Variants in AFDN observed in about 807,000 individuals in gnomAD.
AFDN encodes the protein afadin.
AFDN carries 68 observed loss-of-function variants against 216.6 expected under a neutral mutation model. The ratio of observed to expected loss-of-function variants is 0.31; its 90% CI spans 0.26 to 0.38. The LOEUF is 0.38. Ranked by LOEUF, AFDN falls within the 10% of genes least tolerant of loss-of-function variation. AFDN has a pLI of 1.00. For synonymous variants in AFDN, 868 were observed against 853.7 expected (o/e 1.02, Z -0.29); for missense variants, 2,136 against 2,342.0 (o/e 0.91, Z 1.82).
At chr6:167,961,865 G>C (rs1797070340) in intron 30 of AFDN, among the ~76,000 whole-genome samples, 2 of 152,172 alleles carry the variant, frequency 1.3e-5, no homozygotes, top group South Asian at 4.1e-4. Context: ...GGAGGGAGCT[G>C]ATGGTAAAGG....
chr6:167,873,630 C>A (rs1785023102), intron 4 of AFDN, among the ~76,000 whole-genome samples: 1 of 152,106 alleles, frequency 6.6e-6, no homozygotes, highest in Non-Finnish European at 1.5e-5. Flanking sequence ...GGCAGACAGC[C>A]CCGTACTGTC....
chr6:167,942,859 T>C (rs1379886410), intron 23 of AFDN, among the ~76,000 whole-genome samples: 1 of 152,212 alleles, frequency 6.6e-6, no homozygotes, highest in African/African-American at 2.4e-5. Flanking sequence ...ATCATGCAGG[T>C]AGTTTTTAGT....
intron 10 of AFDN, among the ~76,000 whole-genome samples, chr6:167,897,734 A>G (rs986860445): frequency 2.2e-5 from 3 of 137,100 alleles, no homozygotes; most frequent in African/African-American, 8.5e-5. Flanking sequence ...GTAACCTCCA[A>G]CTCCCTGGTT....
chr6:167,835,083 T>G (rs1342958071), intron 1 of AFDN, among the ~76,000 whole-genome samples: 1 of 152,238 alleles, frequency 6.6e-6, no homozygotes, highest in Admixed American at 6.5e-5. Context: ...AAATATTGAT[T>G]CACTGAGTTA....
rs1164280687 is a variant in AFDN, at chr6:167,915,180, A to G, written c.2312A>G (p.His771Arg). Residue 771 changes from histidine (H) to arginine (R), a missense_variant, in exon 19 of 34, where the codon CAC (histidine) becomes CGC (arginine). Around this residue, in one of 8 missense-constraint regions of AFDN, gnomAD observed 817 missense variants for 965.7 expected, o/e 0.85. Transcript: ENST00000683244. The stretch of plus-strand genomic sequence containing the variant: ...CCTGTCTGGGCAGATGATGTGCTGC[A>G]CACGCTCACAGGAGCCATGTCCTTG... ...LQRPKIDDVL[H>R]TLTGAMSLLR... The G allele has an allele frequency of 5.0e-6, 8 of 1,613,990 alleles. No homozygotes were observed. The highest frequency in any genetic ancestry group is 1.1e-5 in the South Asian group (1 of 91,072).
intron 13 of AFDN, among the ~76,000 whole-genome samples, chr6:167,908,971 G>A (rs1011566426): frequency 3.3e-5 from 5 of 152,036 alleles, no homozygotes; most frequent in African/African-American, 7.2e-5. Flanking sequence ...TGGAGGGGAC[G>A]ACTTTTAATT....
rs780592632 is a variant in AFDN at position 167,915,347 on chromosome 6, C to T, written c.2479C>T (p.Arg827Cys). 1.7e-5 allele frequency: 28 copies of T among 1,614,228 alleles called. No homozygotes were observed. Among genetic ancestry groups the T allele is most frequent in the East Asian group, 8.9e-5 (4 of 44,886 alleles). ...LCSHYWGAII[R>C]QQLGHIEAWA... ...CTCCCATTACTGGGGTGCGATTATCCGTCAGCAGTTGGGCCATATTGAAGC... is the reference window on the plus strand; with the variant it reads ...CTCCCATTACTGGGGTGCGATTATCTGTCAGCAGTTGGGCCATATTGAAGC... The change falls in exon 19 of 34, where the codon CGT becomes TGT. Residue 827 changes from arginine to cysteine, a missense_variant. Physicochemically the swap from Arg to Cys is radical, Grantham distance 180 (BLOSUM62 -3). Coordinates refer to ENST00000683244, the MANE Select transcript of AFDN (RefSeq NM_001386888.1).
At chr6:167,937,848 T>TA (rs1794198840) in intron 23 of AFDN, among the ~76,000 whole-genome samples, 1 of 152,230 alleles carries the variant, frequency 6.6e-6, no homozygotes, top group Non-Finnish European at 1.5e-5. Context: ...CTTCTTAACT[T>TA]ACTATTTATT....
intron 8 of AFDN, among the ~76,000 whole-genome samples, chr6:167,893,100 A>G (rs1325502820): frequency 1.3e-5 from 2 of 152,180 alleles, no homozygotes; most frequent in Admixed American, 1.3e-4. Context: ...CCTGTGGGAT[A>G]GCTTAACTTG....
At chr6:167,917,372 C>A in intron 20 of AFDN, 140 bp downstream of exon 20, 1 of 945,700 alleles carries the variant, frequency 1.1e-6, no homozygotes, top group Non-Finnish European at 1.5e-6. Flanking sequence ...GTGTTGCTGT[C>A]CAAGAGTTCA....
rs1797179232 is a variant in AFDN at position 167,962,891 on chromosome 6, G to C, written c.4968+324G>C. 13 of 1,169,436 alleles carry C rather than the reference G, an allele frequency of 1.1e-5. No individual in the cohort carries two copies. The highest frequency in any genetic ancestry group is 1.4e-5 in the Non-Finnish European group (13 of 940,966). 72.4% of individuals were successfully genotyped at this position (1,169,436 alleles called of 1,614,324 possible). ...ATCTTTACTGAACATGGCCCAGCTT[G>C]TCATTGTGAAGGTGACATTGGTTCA... On this transcript the variant is annotated intron_variant, in intron 31 of 33. Transcript: ENST00000683244. This position sits in a 1 kb window ranked among gnomAD's most constrained non-coding sequence, Gnocchi z 5.2.
At chr6:167,966,856 C>A (rs1219865653) in intron 32 of AFDN, among the ~76,000 whole-genome samples, 1 of 152,152 alleles carries the variant, frequency 6.6e-6, no homozygotes, top group Non-Finnish European at 1.5e-5. Flanking sequence ...GTCCAGAGAC[C>A]CCCGTTACAG....
intron 1 of AFDN, among the ~76,000 whole-genome samples, chr6:167,862,551 T>TTTTGTAATTTTGTATTTTTGTA (rs1405723764): frequency 1.3e-5 from 2 of 152,280 alleles, no homozygotes; most frequent in East Asian, 3.9e-4. Flanking sequence ...AATTTTTGTA[T>TTTTGTAATTTTGTATTTTTGTA]TTTTGTAGAG....
intron 3 of AFDN, 125 bp from the exon 4 acceptor site, chr6:167,872,089 C>A (rs1784857623): frequency 1.2e-6 from 1 of 866,658 alleles, no homozygotes; most frequent in Non-Finnish European, 1.8e-6. Context: ...TACTCCAGAC[C>A]TTCCTGTGTT....
intron 2 of AFDN, among the ~76,000 whole-genome samples, chr6:167,869,686 G>T (rs1396223648): frequency 6.6e-6 from 1 of 152,232 alleles, no homozygotes; most frequent in African/African-American, 2.4e-5. Flanking sequence ...GTAGGCCTCT[G>T]TGAGGTGGTC....
chr6:167,827,141 G>A lies in AFDN; in HGVS notation c.9G>A (p.Ala3=), dbSNP rs1429388981. 2 of 1,288,098 alleles carry A rather than the reference G, an allele frequency of 1.6e-6. No individual in the cohort carries two copies. Among genetic ancestry groups the A allele is most frequent in the African/African-American group, 1.6e-5 (1 of 62,470 alleles). The allele number at this position is 1,288,098 out of a possible 1,614,324, so 79.8% of individuals were successfully genotyped here. A position where few individuals can be genotyped will look rare whatever the true frequency, so the allele number is the denominator to read the frequency against. MS[A]GGRDEERRKL... The stretch of plus-strand genomic sequence containing the variant: ...GAGGCGCGGCCAGGACCATGTCGGC[G>A]GGCGGCCGTGACGAGGAGCGGCGGA... The change falls in exon 1 of 34, where the codon GCG becomes GCA. Residue 3 remains alanine (A), a synonymous_variant. Coordinates refer to ENST00000683244, the MANE Select transcript of AFDN (RefSeq NM_001386888.1).
intron 5 of AFDN, among the ~76,000 whole-genome samples, chr6:167,879,652 T>C (rs1187211496): frequency 6.6e-6 from 1 of 152,208 alleles, no homozygotes; most frequent in Non-Finnish European, 1.5e-5. Context: ...TACATGTAGA[T>C]TTCCATTAAA....
At chr6:167,873,344 T>G (rs1390515102) in intron 4 of AFDN, among the ~76,000 whole-genome samples, 1 of 152,248 alleles carries the variant, frequency 6.6e-6, no homozygotes, top group Non-Finnish European at 1.5e-5. Context: ...GATTTTCACT[T>G]GATATTTTTT....
chr6:167,869,657 T>C (rs1583222052), intron 2 of AFDN, among the ~76,000 whole-genome samples: 2 of 152,176 alleles, frequency 1.3e-5, no homozygotes, highest in African/African-American at 4.8e-5. Context: ...CCGCCTTTTT[T>C]CCACAGCTTC....
Sources: gnomAD v4.1 joint callset for allele counts (sites outside exome capture counted in the v4.1 genomes callset) on GRCh38, gnomAD v4.1.1 for gene constraint, gnomAD v4.1.1 regional missense constraint, Gnocchi (gnomAD v3.1) non-coding constraint, MANE v1.5 for transcripts, NCBI Gene and HGNC (gene_info 2026-07-23, HGNC 2026-07-21) for gene names.